Variants in MCF2L observed in about 807,000 individuals in gnomAD.
The protein encoded by MCF2L is guanine nucleotide exchange factor DBS.
Under a neutral mutation model 153.4 loss-of-function variants are expected in MCF2L, and 97 were observed. That is an observed-to-expected ratio of 0.63 (90% CI 0.54 to 0.75). The LOEUF (loss-of-function observed/expected upper bound fraction) is 0.75. Ranked by LOEUF, MCF2L falls within the 30% of genes least tolerant of loss-of-function variation. MCF2L has a pLI of 0.00. For synonymous variants in MCF2L, 659 were observed against 632.2 expected (o/e 1.04, Z -0.64); for missense variants, 1,347 against 1,495.2 (o/e 0.90, Z 1.64).
chr13:112,942,688 C>A (rs992702540), intron 2 of MCF2L, among the ~76,000 whole-genome samples: 5 of 152,176 alleles, frequency 3.3e-5, no homozygotes, highest in African/African-American at 1.2e-4. Flanking sequence ...AAAACTCTGT[C>A]TAGTTACGTG....
chr13:113,017,962 C>T (rs2084638808), intron 2 of MCF2L, among the ~76,000 whole-genome samples: 1 of 152,208 alleles, frequency 6.6e-6, no homozygotes, highest in Non-Finnish European at 1.5e-5. Context: ...TCCACTTGCC[C>T]TGCTGATTTC....
chr13:112,942,936 G>C (rs1216007865), intron 2 of MCF2L, among the ~76,000 whole-genome samples: 1 of 152,228 alleles, frequency 6.6e-6, no homozygotes, highest in African/African-American at 2.4e-5. Context: ...ACCCTCGTGA[G>C]CTGCTGTTCC....
intron 8 of MCF2L, among the ~76,000 whole-genome samples, chr13:113,067,189 C>A (rs1178481685): frequency 6.6e-6 from 1 of 152,218 alleles, no homozygotes; most frequent in Non-Finnish European, 1.5e-5. Flanking sequence ...GGGTGGTGCA[C>A]AGCTGGAGTC....
chr13:112,984,316 A>C (rs942075281), intron 1 of MCF2L, among the ~76,000 whole-genome samples: 1 of 151,806 alleles, frequency 6.6e-6, no homozygotes, highest in African/African-American at 2.4e-5. Flanking sequence ...GCTCACTGCA[A>C]CCCTGCCTCC....
At chr13:113,086,053 T>C in intron 20 of MCF2L, 71 bp from the exon 21 acceptor site, 2 of 1,519,866 alleles carry the variant, frequency 1.3e-6, no homozygotes, top group East Asian at 2.4e-5. Flanking sequence ...GCCAAGCTCC[T>C]GAGGGGTCTG....
intron 1 of MCF2L, among the ~76,000 whole-genome samples, chr13:112,996,920 G>A (rs936129714): frequency 6.6e-6 from 1 of 152,228 alleles, no homozygotes; most frequent in African/African-American, 2.4e-5. Context: ...TGAAACTCCT[G>A]CACAGATCTG....
intron 1 of MCF2L, among the ~76,000 whole-genome samples, chr13:113,006,916 G>A (rs550378563): frequency 4.6e-5 from 7 of 152,304 alleles, no homozygotes; most frequent in East Asian, 1.9e-4. Context: ...ACTGTGTAGC[G>A]GGTAGGGCTG....
chr13:112,954,571 C>T (rs1033583493), intron 2 of MCF2L, among the ~76,000 whole-genome samples: 4 of 152,176 alleles, frequency 2.6e-5, no homozygotes, highest in South Asian at 2.1e-4. Context: ...TTGCTTGGAG[C>T]GAGCCTCCCT....
At chr13:112,914,475 G>C (rs1402482306) in intron 2 of MCF2L, among the ~76,000 whole-genome samples, 1 of 152,250 alleles carries the variant, frequency 6.6e-6, no homozygotes, top group Non-Finnish European at 1.5e-5. Flanking sequence ...TTCAGCGTGT[G>C]TACTGGTGTA....
chr13:112,937,565 T>C (rs879296107), intron 2 of MCF2L, among the ~76,000 whole-genome samples: 12 of 152,248 alleles, frequency 7.9e-5, no homozygotes, highest in Non-Finnish European at 1.3e-4. Context: ...AAAGAAAGTA[T>C]ATTCCAGAGA....
chr13:113,002,939 C>T (rs1440965954), intron 1 of MCF2L, among the ~76,000 whole-genome samples: 1 of 151,458 alleles, frequency 6.6e-6, no homozygotes, highest in Non-Finnish European at 1.5e-5. Context: ...GAGGCCAAGG[C>T]TAGAGGATCG....
intron 1 of MCF2L, among the ~76,000 whole-genome samples, chr13:113,010,969 G>A (rs1368956901): frequency 4.6e-5 from 7 of 152,218 alleles, no homozygotes; most frequent in Non-Finnish European, 1.0e-4. Context: ...AAATTAAGTA[G>A]ACTGGAACTT....
At chr13:113,008,073 T>C (rs576079477) in intron 1 of MCF2L, among the ~76,000 whole-genome samples, 2 of 152,216 alleles carry the variant, frequency 1.3e-5, no homozygotes, top group Admixed American at 1.3e-4. Flanking sequence ...CCTGCCACCA[T>C]GCCCAGCTAA....
At chr13:113,087,511 G>T (rs1351829014) in intron 22 of MCF2L, 55 bp downstream of exon 22, 2 of 1,443,878 alleles carry the variant, frequency 1.4e-6, no homozygotes, top group South Asian at 1.3e-5. Flanking sequence ...CCCGACGGGG[G>T]AAGTCTGTAA....
chr13:113,033,301 CGTGGCGTGAGTGGCCCCT>C lies in MCF2L; in HGVS notation c.278+8561_278+8578del, dbSNP rs1391244000. Among the ~76,000 whole-genome samples the C allele has an allele frequency of 4.6e-5, 5 of 108,606 alleles. 1 individual carries two copies. The highest frequency in any genetic ancestry group is 7.6e-5 in the African/African-American group (2 of 26,490). The allele number at this position is 108,606 out of a possible 152,430, so 71.2% of individuals were successfully genotyped here. ...TGGCCCCTGTGACATTAGTGGACCC[CGTGGCGTGAGTGGCCCCT>C]GTGGCGTGAGTGGCCCCCGTGACAT... is the stretch of plus-strand genomic sequence containing the variant. On this transcript the variant is annotated intron_variant, in intron 3 of 29. Coordinates refer to ENST00000535094, the MANE Select transcript of MCF2L (RefSeq NM_001112732.3).
At chr13:113,056,804 T>A (rs1360163138) in intron 4 of MCF2L, among the ~76,000 whole-genome samples, 1 of 141,614 alleles carries the variant, frequency 7.1e-6, no homozygotes. Context: ...GTTTGGGTGC[T>A]GTGTGTTTGG....
chr13:112,935,336 C>T (rs2081504383), intron 2 of MCF2L, among the ~76,000 whole-genome samples: 1 of 152,172 alleles, frequency 6.6e-6, no homozygotes, highest in Non-Finnish European at 1.5e-5. Flanking sequence ...CAGCTCACTG[C>T]AGCCTCCGCC....
At chr13:112,947,952 C>T (rs946504878) in intron 2 of MCF2L, among the ~76,000 whole-genome samples, 7 of 152,244 alleles carry the variant, frequency 4.6e-5, no homozygotes, top group Non-Finnish European at 8.8e-5. Context: ...CTCTTGCACT[C>T]TGTGTGCCTG....
At chr13:112,980,095 G>A (rs7139939) in intron 1 of MCF2L, among the ~76,000 whole-genome samples, 34,476 of 152,152 alleles carry the variant, frequency 0.23, 4,141 homozygotes, top group Middle Eastern at 0.28. Context: ...GGCACACGCG[G>A]TCTGTGGGCA....
Sources: allele counts gnomAD v4.1 joint callset (sites outside exome capture counted in the v4.1 genomes callset), GRCh38; gene constraint gnomAD v4.1.1; transcripts MANE v1.5; gene names NCBI Gene and HGNC (gene_info 2026-07-23, HGNC 2026-07-21).